Variants in ZNRF1 observed in about 807,000 individuals in gnomAD.
The protein encoded by ZNRF1 is E3 ubiquitin-protein ligase ZNRF1.
A neutral mutation model predicts 18.4 loss-of-function variants in ZNRF1; 3 were observed. The ratio of observed to expected loss-of-function variants is 0.16; its 90% CI spans 0.07 to 0.42. The LOEUF (loss-of-function observed/expected upper bound fraction) is 0.42. Ranked by LOEUF, ZNRF1 falls within the 10% of genes least tolerant of loss-of-function variation. The pLI is 0.99. For missense variants in ZNRF1, 310 were observed against 329.8 expected (o/e 0.94, Z 0.47); for synonymous variants, 157 against 144.2 (o/e 1.09, Z -0.64).
rs112370673 is a variant in ZNRF1, at chr16:74,999,927, C to A, written c.256C>A (p.Pro86Thr). ...SRGTGDSERA[P>T]GGGGSASDST... ...GGGCACCGGCGACTCCGAGAGGGCG[C>A]CCGGCGGCGGAGGGTCTGCGTCCGA... Residue 86 changes from proline (P) to threonine (T), a missense_variant, in exon 1 of 5, where the codon CCC (proline) becomes ACC (threonine). Transcript: ENST00000335325. 6.4e-7 allele frequency: 1 copy of A among 1,560,576 alleles called. No individual in the cohort carries two copies. The highest frequency in any genetic ancestry group is 8.7e-7 in the Non-Finnish European group (1 of 1,154,342).
chr16:75,004,041 G>A (rs1461516574), intron 1 of ZNRF1, among the ~76,000 whole-genome samples: 1 of 151,422 alleles, frequency 6.6e-6, no homozygotes, highest in African/African-American at 2.4e-5. Context: ...GCTCACTGCA[G>A]TCTCAGACTC....
intron 1 of ZNRF1, among the ~76,000 whole-genome samples, chr16:75,077,868 C>G (rs1199574114): frequency 1.3e-5 from 2 of 152,200 alleles, no homozygotes; most frequent in South Asian, 2.1e-4. Flanking sequence ...TGTCTGCTTC[C>G]ATAGTCATGT....
intron 1 of ZNRF1, among the ~76,000 whole-genome samples, chr16:75,064,740 C>T (rs978437453): frequency 6.6e-6 from 1 of 152,210 alleles, no homozygotes. Flanking sequence ...AAATGAGCAA[C>T]GGACTCAGAG....
At chr16:75,059,226 TTTC>T in intron 1 of ZNRF1, among the ~76,000 whole-genome samples, 1 of 95,584 alleles carries the variant, frequency 1.0e-5, no homozygotes, top group Non-Finnish European at 2.0e-5. Context: ...TCCTTCTTTC[TTTC>T]TTTTTTTTTT....
chr16:75,104,988 C>G, intron 3 of ZNRF1, 99 bp downstream of exon 3: 1 of 962,266 alleles, frequency 1.0e-6, no homozygotes, highest in Non-Finnish European at 1.6e-6. Flanking sequence ...GGGATGACCT[C>G]TCCCCCGACC....
chr16:75,020,038 GAGAACTAT>G, intron 1 of ZNRF1, among the ~76,000 whole-genome samples: 1 of 151,952 alleles, frequency 6.6e-6, no homozygotes, highest in Admixed American at 6.5e-5. Context: ...CAATTCCAGA[GAGAACTAT>G]GTTAAAGTTT....
intron 1 of ZNRF1, among the ~76,000 whole-genome samples, chr16:75,039,963 A>G (rs1045905498): frequency 3.3e-5 from 5 of 151,982 alleles, no homozygotes; most frequent in African/African-American, 1.2e-4. Context: ...ATATTCATAC[A>G]TTATAAATGT....
chr16:75,095,629 G>C (rs2036189103), intron 2 of ZNRF1: 6 of 1,549,868 alleles, frequency 3.9e-6, no homozygotes, highest in African/African-American at 1.4e-5. Flanking sequence ...GAGGGGCTCA[G>C]CCTGAGAAAA....
At chr16:75,104,968 C>T in intron 3 of ZNRF1, 79 bp downstream of exon 3, 1 of 1,240,964 alleles carries the variant, frequency 8.1e-7, no homozygotes, top group Non-Finnish European at 1.1e-6. Context: ...ATTCTGTCTC[C>T]TTTGGTTATG....
intron 1 of ZNRF1, among the ~76,000 whole-genome samples, chr16:75,029,441 C>T (rs1017457098): frequency 6.6e-6 from 1 of 152,142 alleles, no homozygotes; most frequent in Non-Finnish European, 1.5e-5. Flanking sequence ...AGCCACCACG[C>T]CCGGCTGACC....
intron 1 of ZNRF1, among the ~76,000 whole-genome samples, chr16:75,075,958 G>A (rs1240052887): frequency 2.0e-5 from 3 of 152,324 alleles, no homozygotes; most frequent in African/African-American, 4.8e-5. Context: ...TTGAGAGAGC[G>A]TTGTGTGAGG....
chr16:75,104,961 C>G (rs1488075845), intron 3 of ZNRF1, 72 bp downstream of exon 3: 6 of 1,297,806 alleles, frequency 4.6e-6, no homozygotes, highest in Non-Finnish European at 6.5e-6. Flanking sequence ...TCCAGCCATT[C>G]TGTCTCCTTT....
intron 1 of ZNRF1, among the ~76,000 whole-genome samples, chr16:75,071,489 T>G (rs578106607): frequency 6.6e-6 from 1 of 152,276 alleles, no homozygotes; most frequent in African/African-American, 2.4e-5. Context: ...CCTCTCTATG[T>G]GGCCTGGGCT....
At chr16:75,026,661 C>T (rs934607745) in intron 1 of ZNRF1, among the ~76,000 whole-genome samples, 3 of 152,054 alleles carry the variant, frequency 2.0e-5, no homozygotes, top group South Asian at 2.1e-4. Context: ...TCTGGCCAGG[C>T]GCAGTGGCTC....
Position 74,999,602 on chromosome 16 carries a change from C to G in ZNRF1, c.-70C>G, listed in dbSNP as rs1315563558. 8.7e-7 allele frequency: 1 copy of G among 1,154,006 alleles called. No homozygotes were observed. The highest frequency in any genetic ancestry group is 1.6e-5 in the African/African-American group (1 of 62,176). The allele number at this position is 1,154,006 out of a possible 1,614,324, so 71.5% of individuals were successfully genotyped here. A position where few individuals can be genotyped will look rare whatever the true frequency, so the allele number is the denominator to read the frequency against. ...TCCCCCTTTATGCTCGCCCAGCCCT[C>G]CCCCTGCTGCTGAGAAGTGGGGGAG... On this transcript the variant is annotated 5_prime_UTR_variant, in exon 1 of 5. Coordinates refer to ENST00000335325, the MANE Select transcript of ZNRF1 (RefSeq NM_032268.5).
At chr16:75,057,560 C>T (rs1248938314) in intron 1 of ZNRF1, among the ~76,000 whole-genome samples, 4 of 152,190 alleles carry the variant, frequency 2.6e-5, no homozygotes, top group Non-Finnish European at 4.4e-5. Flanking sequence ...TCCCTGGCCT[C>T]AGGATCGTCA....
chr16:75,087,718 C>G, intron 1 of ZNRF1, among the ~76,000 whole-genome samples: 1 of 152,204 alleles, frequency 6.6e-6, no homozygotes, highest in South Asian at 2.1e-4. Flanking sequence ...GGACAAGGAA[C>G]CCGGGGTACG....
intron 2 of ZNRF1, chr16:75,104,500 C>T: frequency 3.5e-6 from 1 of 282,914 alleles, no homozygotes; most frequent in Non-Finnish European, 6.8e-6. Context: ...TCCTGTCTAC[C>T]CTTCTCCAAG....
chr16:75,083,413 C>G (rs1014068376), intron 1 of ZNRF1, among the ~76,000 whole-genome samples: 1 of 152,320 alleles, frequency 6.6e-6, no homozygotes, highest in Middle Eastern at 3.4e-3. Context: ...GTCTGATTCT[C>G]TTTCTTCCAT....
Sources: allele counts gnomAD v4.1 joint callset (sites outside exome capture counted in the v4.1 genomes callset), GRCh38; gene constraint gnomAD v4.1.1; transcripts MANE v1.5; gene names NCBI Gene and HGNC (gene_info 2026-07-23, HGNC 2026-07-21).